The following ELSPBP1 variants were observed in gnomAD, a reference collection of about 807,000 sequenced individuals.
The protein encoded by ELSPBP1 is epididymal sperm-binding protein 1.
ELSPBP1 carries 38 observed loss-of-function variants against 33.3 expected under a neutral mutation model. The ratio of observed to expected loss-of-function variants is 1.14; its 90% CI spans 0.88 to 1.50. The LOEUF is 1.50. ELSPBP1 is among the 40% of genes most tolerant of loss of function. ELSPBP1 has a pLI of 0.00. For synonymous variants in ELSPBP1, 85 were observed against 94.1 expected, an observed-to-expected ratio of 0.90 and a Z score of 0.56; for missense variants, 267 against 263.5, an observed-to-expected ratio of 1.01 and a Z score of -0.09.
intron 1 of ELSPBP1, among the ~76,000 whole-genome samples, chr19:48,000,746 G>A (rs1329601360): frequency 6.6e-6 from 1 of 152,170 alleles, no homozygotes; most frequent in Non-Finnish European, 1.5e-5. Context: ...GCTGGCTTGA[G>A]AGGGAGCCTA....
chr19:47,997,026 G>C (rs969848654), intron 1 of ELSPBP1, among the ~76,000 whole-genome samples: 1 of 151,942 alleles, frequency 6.6e-6, no homozygotes, highest in Non-Finnish European at 1.5e-5. Flanking sequence ...CTGTTTATTA[G>C]CATCCCCATT....
At chr19:48,016,465 C>T (rs11666700) in intron 4 of ELSPBP1, among the ~76,000 whole-genome samples, 3,104 of 44,156 alleles carry the variant, frequency 0.07, 250 homozygotes, top group East Asian at 0.19. Context: ...CTTTTCTTTC[C>T]TTCTTTCTTT....
chr19:48,019,103 G>A (rs993452006), intron 4 of ELSPBP1, among the ~76,000 whole-genome samples: 5 of 152,044 alleles, frequency 3.3e-5, no homozygotes, highest in East Asian at 1.9e-4. Context: ...GCAGTGAGCC[G>A]AGATCGTACC....
At chr19:48,001,059 C>A (rs1429126771) in intron 1 of ELSPBP1, among the ~76,000 whole-genome samples, 1 of 152,162 alleles carries the variant, frequency 6.6e-6, no homozygotes, top group Non-Finnish European at 1.5e-5. Flanking sequence ...TTCCTGGCTT[C>A]TTCCAGCTTC....
intron 1 of ELSPBP1, among the ~76,000 whole-genome samples, chr19:48,002,620 G>A (rs1267020960): frequency 6.6e-6 from 1 of 152,162 alleles, no homozygotes; most frequent in African/African-American, 2.4e-5. Flanking sequence ...GTGAAACCGT[G>A]TCTCTACTAA....
In ELSPBP1 at chr19:48,008,683, A is replaced by G; in HGVS notation, c.16A>G (p.Ser6Gly). The G allele has an allele frequency of 6.2e-7, 1 of 1,613,990 alleles. No individual in the cohort carries two copies. The highest frequency in any genetic ancestry group is 2.2e-5 in the East Asian group (1 of 44,878). Residue 6 changes from serine to glycine, a missense_variant, in exon 2 of 7, where the codon AGT becomes GGT. Ser to Gly is a moderately conservative substitution (Grantham distance 56). Transcript: ENST00000339841. Reference sequence around the variant, plus strand: ...GGCAGCCAAGATGACCCGATGGTCCAGTTACCTGTTGGGATGGACAACCTT... The same window carrying G: ...GGCAGCCAAGATGACCCGATGGTCCGGTTACCTGTTGGGATGGACAACCTT... MTRWS[S>G]YLLGWTTFLL...
intron 1 of ELSPBP1, among the ~76,000 whole-genome samples, chr19:48,004,785 G>A (rs377656475): frequency 6.6e-6 from 1 of 152,206 alleles, no homozygotes; most frequent in East Asian, 1.9e-4. Flanking sequence ...TCAGCCCCAC[G>A]AAGGCAGGGC....
chr19:47,995,858 G>A (rs74541048), intron 1 of ELSPBP1, among the ~76,000 whole-genome samples: 1,805 of 152,284 alleles, frequency 0.012, 18 homozygotes, highest in East Asian at 0.046. Flanking sequence ...GGTAGGATTT[G>A]AACCCTGGTT....
intron 3 of ELSPBP1, among the ~76,000 whole-genome samples, chr19:48,014,960 A>G (rs985550340): frequency 2.0e-5 from 3 of 152,210 alleles, no homozygotes; most frequent in Admixed American, 1.3e-4. Flanking sequence ...AACGAAGTGT[A>G]AGAAACGGGA....
At chr19:48,007,904 GT>G (rs946956043) in intron 1 of ELSPBP1, among the ~76,000 whole-genome samples, 1 of 152,210 alleles carries the variant, frequency 6.6e-6, no homozygotes, top group African/African-American at 2.4e-5. Context: ...GACATAAAGT[GT>G]GTTGAACATC....
At chr19:48,002,385 G>A (rs1966976552) in intron 1 of ELSPBP1, among the ~76,000 whole-genome samples, 2 of 152,186 alleles carry the variant, frequency 1.3e-5, no homozygotes, top group African/African-American at 2.4e-5. Context: ...TAAGGTGTAG[G>A]AATTGGGGTT....
At position 48,014,169 on chromosome 19, in the gene ELSPBP1, A is replaced by G. The variant is rs1254224456; in HGVS notation, c.71-2A>G. ...CTCCTGTTTTCTCCTTCTGCCCTTC[A>G]GGGATGCATGAGGAATGTGTCTTTC... is the stretch of plus-strand genomic sequence containing the variant. On this transcript the variant is annotated splice_acceptor_variant, in intron 2 of 6. Coordinates refer to ENST00000339841, the MANE Select transcript of ELSPBP1 (RefSeq NM_022142.5). LOFTEE classifies it high-confidence loss of function. 1 of 1,612,936 alleles carries G rather than the reference A, an allele frequency of 6.2e-7. No homozygotes were observed. The highest frequency in any genetic ancestry group is 2.2e-5 in the East Asian group (1 of 44,772).
intron 1 of ELSPBP1, among the ~76,000 whole-genome samples, chr19:48,002,102 A>G (rs1279251531): frequency 1.3e-5 from 2 of 152,294 alleles, no homozygotes; most frequent in African/African-American, 4.8e-5. Flanking sequence ...CCAAGCGTCT[A>G]TGAACGACAC....
At chr19:48,018,935 C>T (rs542277575) in intron 4 of ELSPBP1, among the ~76,000 whole-genome samples, 2 of 152,296 alleles carry the variant, frequency 1.3e-5, no homozygotes, top group African/African-American at 2.4e-5. Context: ...AGGTGAATCA[C>T]CTGAGGTCAG....
At chr19:48,023,819 C>A (rs1001604186) in intron 6 of ELSPBP1, among the ~76,000 whole-genome samples, 1 of 151,616 alleles carries the variant, frequency 6.6e-6, no homozygotes, top group Non-Finnish European at 1.5e-5. Flanking sequence ...TCCCTCTTTT[C>A]TTTTTTTCTT....
intron 3 of ELSPBP1, among the ~76,000 whole-genome samples, chr19:48,014,590 G>C (rs985414275): frequency 6.6e-6 from 1 of 151,198 alleles, no homozygotes; most frequent in Admixed American, 6.6e-5. Context: ...GAGTTAATGG[G>C]TGCAGCACAC....
chr19:48,022,307 C>G lies in ELSPBP1; in HGVS notation c.652C>G (p.His218Asp). 6.2e-7 allele frequency: 1 copy of G among 1,612,490 alleles called. No homozygotes were observed. Among genetic ancestry groups the G allele is most frequent in the Non-Finnish European group, 8.5e-7 (1 of 1,179,246 alleles). Residue 218 changes from histidine (H) to aspartate (D), a missense_variant, in exon 6 of 7, where the codon CAC (histidine) becomes GAC (aspartate). Transcript: ENST00000339841. ...AACTTCTTACAACTACGACCAAGACCACACCTGGGTGTATTGCTGATGCTG... is the reference window on the plus strand; with the variant it reads ...AACTTCTTACAACTACGACCAAGACGACACCTGGGTGTATTGCTGATGCTG... ...CATSYNYDQD[H>D]TWVYC
At chr19:48,021,466 A>T (rs1455030190) in intron 5 of ELSPBP1, among the ~76,000 whole-genome samples, 1 of 147,412 alleles carries the variant, frequency 6.8e-6, no homozygotes, top group Non-Finnish European at 1.5e-5. Context: ...TTGAGACGGA[A>T]TCTCACTCTG....
chr19:48,011,393 AATG>A lies in ELSPBP1; in HGVS notation c.70+2663_70+2665del, dbSNP rs1266888037. ...TGGTGACAATGATGATGACGATGAT[AATG>A]ATGATGTCAATAATGATGTGATGAG... On this transcript the variant is annotated intron_variant, in intron 2 of 6. Coordinates refer to ENST00000339841, the MANE Select transcript of ELSPBP1 (RefSeq NM_022142.5). This position sits in a 1 kb window ranked among gnomAD's most constrained non-coding sequence, Gnocchi z 4.5. Among the ~76,000 whole-genome samples the A allele has an allele frequency of 4.0e-5, 6 of 150,440 alleles. No homozygotes were observed. The highest frequency in any genetic ancestry group is 2.1e-4 in the South Asian group (1 of 4,718).
Sources: gnomAD v4.1 joint callset for allele counts (sites outside exome capture counted in the v4.1 genomes callset) on GRCh38, gnomAD v4.1.1 for gene constraint, Gnocchi (gnomAD v3.1) non-coding constraint, MANE v1.5 for transcripts, NCBI Gene and HGNC (gene_info 2026-07-23, HGNC 2026-07-21) for gene names.